Variants in TTLL1 observed in about 807,000 individuals in gnomAD.
TTLL1 encodes the protein polyglutamylase complex subunit TTLL1.
A neutral mutation model predicts 47.8 loss-of-function variants in TTLL1; 33 were observed. The ratio of observed to expected loss-of-function variants is 0.69; its 90% CI spans 0.52 to 0.92. TTLL1 has a LOEUF of 0.92. Ranked by LOEUF, TTLL1 falls within the 40% of genes least tolerant of loss-of-function variation. The pLI is 0.00. For synonymous variants in TTLL1, 225 were observed against 214.1 expected, an observed-to-expected ratio of 1.05 and a Z score of -0.45; for missense variants, 488 against 547.5, an observed-to-expected ratio of 0.89 and a Z score of 1.08.
chr22:43,049,821 C>CG (rs1431823408), intron 9 of TTLL1, among the ~76,000 whole-genome samples: 1 of 150,026 alleles, frequency 6.7e-6, no homozygotes, highest in Non-Finnish European at 1.5e-5. Flanking sequence ...TGGCTGGGCA[C>CG]GGTGGCTCAC....
chr22:43,062,309 G>A (rs1927436838), intron 7 of TTLL1, among the ~76,000 whole-genome samples: 1 of 151,914 alleles, frequency 6.6e-6, no homozygotes, highest in Non-Finnish European at 1.5e-5. Flanking sequence ...TGGCCAACAT[G>A]GGGAAATCCC....
chr22:43,047,587 G>A (rs1414243234), intron 9 of TTLL1, among the ~76,000 whole-genome samples: 1 of 152,080 alleles, frequency 6.6e-6, no homozygotes, highest in African/African-American at 2.4e-5. Context: ...TCCTGCCTCA[G>A]CCTCCTGGGT....
intron 8 of TTLL1, among the ~76,000 whole-genome samples, chr22:43,058,689 T>G (rs1281242308): frequency 2.0e-5 from 3 of 148,700 alleles, no homozygotes; most frequent in Non-Finnish European, 4.5e-5. Context: ...AACAGGTTTT[T>G]TTTTGTTTTT....
At chr22:43,079,546 C>A (rs1406336604) in intron 2 of TTLL1, among the ~76,000 whole-genome samples, 1 of 152,254 alleles carries the variant, frequency 6.6e-6, no homozygotes, top group Non-Finnish European at 1.5e-5. Flanking sequence ...GGGGACCACC[C>A]CCCAACCACC....
At chr22:43,062,449 G>A (rs1028140826) in intron 7 of TTLL1, among the ~76,000 whole-genome samples, 1 of 147,236 alleles carries the variant, frequency 6.8e-6, no homozygotes, top group African/African-American at 2.5e-5. Context: ...TGAGATCACG[G>A]CACTGCACTC....
intron 2 of TTLL1, among the ~76,000 whole-genome samples, chr22:43,077,126 G>T (rs1036696240): frequency 6.6e-6 from 1 of 151,938 alleles, no homozygotes; most frequent in African/African-American, 2.4e-5. Flanking sequence ...TTTATCTGAC[G>T]ACATCACTCC....
At chr22:43,059,326 GC>G in intron 8 of TTLL1, 57 bp downstream of exon 8, 7 of 1,560,424 alleles carry the variant, frequency 4.5e-6, no homozygotes, top group Non-Finnish European at 2.6e-6. Context: ...AAGACAGCAA[GC>G]CCCCCCACTC....
chr22:43,063,072 T>C (rs892499721), intron 7 of TTLL1, among the ~76,000 whole-genome samples: 9 of 152,192 alleles, frequency 5.9e-5, no homozygotes, highest in African/African-American at 2.2e-4. Context: ...GTCACTTTCA[T>C]ACCACTGGAA....
At chr22:43,084,962 C>CTT (rs148980685) in intron 1 of TTLL1, among the ~76,000 whole-genome samples, 232 of 112,700 alleles carry the variant, frequency 2.1e-3, no homozygotes, top group Middle Eastern at 4.5e-3. Flanking sequence ...AAGCTGCCAC[C>CTT]TTTTTTTTTT....
Position 43,046,591 on chromosome 22 carries a change from C to T in TTLL1, c.979-18G>A. On this transcript the variant is annotated intron_variant, in intron 9 of 10. Coordinates refer to ENST00000266254, the MANE Select transcript of TTLL1 (RefSeq NM_012263.5). ...GCATTCACCTGTGAGATGAAAGACCCATGTTCCTCACCTGTGTCTCTCGCT... is the reference window on the plus strand; with the variant it reads ...GCATTCACCTGTGAGATGAAAGACCTATGTTCCTCACCTGTGTCTCTCGCT... 1 of 1,611,798 alleles carries T rather than the reference C, an allele frequency of 6.2e-7. No homozygotes were observed. Among genetic ancestry groups the T allele is most frequent in the East Asian group, 2.2e-5 (1 of 44,828 alleles).
chr22:43,052,139 G>C (rs1926680346), intron 8 of TTLL1: 1 of 484,508 alleles, frequency 2.1e-6, no homozygotes, highest in African/African-American at 2.0e-5. Context: ...ACTCATCAGA[G>C]GCTTGACTAG....
At chr22:43,048,962 A>C (rs1206955741) in intron 9 of TTLL1, among the ~76,000 whole-genome samples, 1 of 151,992 alleles carries the variant, frequency 6.6e-6, no homozygotes, top group African/African-American at 2.4e-5. Context: ...AAAAATACCC[A>C]AAACACTAGG....
At chr22:43,049,831 C>T (rs865858052) in intron 9 of TTLL1, among the ~76,000 whole-genome samples, 11 of 151,168 alleles carry the variant, frequency 7.3e-5, no homozygotes, top group African/African-American at 2.2e-4. Context: ...CGGTGGCTCA[C>T]GCCTGTCATC....
intron 5 of TTLL1, among the ~76,000 whole-genome samples, chr22:43,065,536 T>C (rs6003021): frequency 0.094 from 14,268 of 152,046 alleles, 902 homozygotes; most frequent in African/African-American, 0.17. Context: ...GTGATCCGCC[T>C]GCCTTGGCCT....
intron 10 of TTLL1, among the ~76,000 whole-genome samples, chr22:43,043,106 A>G (rs1345934993): frequency 6.6e-6 from 1 of 151,634 alleles, no homozygotes; most frequent in Non-Finnish European, 1.5e-5. Context: ...ACGCCCGGCT[A>G]ATTTTTGTAT....
intron 4 of TTLL1, among the ~76,000 whole-genome samples, chr22:43,069,391 CAAAAAAAA>C (rs1303585838): frequency 1.7e-5 from 1 of 60,034 alleles, no homozygotes; most frequent in African/African-American, 5.3e-5. Flanking sequence ...GATTCTGTCT[CAAAAAAAA>C]AAAAAAAAAA....
intron 10 of TTLL1, among the ~76,000 whole-genome samples, chr22:43,046,175 C>T (rs1044162869): frequency 2.0e-5 from 3 of 152,066 alleles, no homozygotes; most frequent in African/African-American, 4.8e-5. Flanking sequence ...GAGCCAAGAT[C>T]GTGCCACTGC....
At chr22:43,046,609 C>A in intron 9 of TTLL1, 36 bp from the exon 10 acceptor site, 1 of 1,603,248 alleles carries the variant, frequency 6.2e-7, no homozygotes, top group Admixed American at 1.7e-5. Context: ...TCACCTGTGT[C>A]TCTCGCTCTT....
At chr22:43,046,385 A>C (rs1180269366) in intron 10 of TTLL1, 25 bp downstream of exon 10, 36 of 1,611,180 alleles carry the variant, frequency 2.2e-5, no homozygotes, top group Middle Eastern at 1.7e-4. Context: ...CAGAAGGACA[A>C]GCGCACAGTC....
Sources: gnomAD v4.1 joint callset for allele counts (sites outside exome capture counted in the v4.1 genomes callset) on GRCh38, gnomAD v4.1.1 for gene constraint, MANE v1.5 for transcripts, NCBI Gene and HGNC (gene_info 2026-07-23, HGNC 2026-07-21) for gene names.